CTPS2: variants seen among roughly 807,000 people sequenced by gnomAD.
CTPS2 encodes the protein CTP synthase II.
Under a neutral mutation model 46.8 loss-of-function variants are expected in CTPS2, and 19 were observed. That is an observed-to-expected ratio of 0.41 (90% CI 0.28 to 0.60). The LOEUF (loss-of-function observed/expected upper bound fraction) is 0.60, where lower values mean the gene tolerates loss of function less well. CTPS2 is among the 20% of genes least tolerant of loss of function. The pLI, the probability that CTPS2 is intolerant of heterozygous loss-of-function variation, is 0.35. For missense variants in CTPS2, 286 were observed against 447.6 expected, an observed-to-expected ratio of 0.64 and a Z score of 3.26; for synonymous variants, 151 against 165.2, an observed-to-expected ratio of 0.91 and a Z score of 0.66.
intron 13 of CTPS2, chrX:16,654,482 A>T (rs1932772333): frequency 8.4e-7 from 1 of 1,187,824 alleles, no homozygotes; most frequent in Non-Finnish European, 1.1e-6. Flanking sequence ...AAGAATTCCA[A>T]GTATTAGTAA....
At position 16,664,029 on chromosome X, in the gene CTPS2, A is replaced by G. The variant is rs777937159; in HGVS notation, c.1296+3485T>C. Among the ~76,000 whole-genome samples, 542 of 111,013 alleles carry G rather than the reference A, an allele frequency of 4.9e-3. 2 individuals are homozygous for G. Among genetic ancestry groups the G allele is most frequent in the Middle Eastern group, 0.019 (4 of 215 alleles). On this transcript the variant is annotated intron_variant, in intron 13 of 18. Coordinates refer to ENST00000359276, the MANE Select transcript of CTPS2 (RefSeq NM_175859.3). Reference sequence around the variant, plus strand: ...TTCTTTATGTTTTTAGTAGAGACAAAGTTTCACCATGTTAGCCAGGATGGT... The same window carrying G: ...TTCTTTATGTTTTTAGTAGAGACAAGGTTTCACCATGTTAGCCAGGATGGT...
intron 2 of CTPS2, among the ~76,000 whole-genome samples, chrX:16,702,026 G>A (rs1924615756): frequency 1.8e-5 from 2 of 110,478 alleles, no homozygotes; most frequent in Non-Finnish European, 3.8e-5. Flanking sequence ...GTTTTTTTGG[G>A]GGTTGGTTTT....
At chrX:16,651,097 G>T in intron 13 of CTPS2, 1 of 1,178,017 alleles carries the variant, frequency 8.5e-7, no homozygotes. Context: ...GTCAAAGGAT[G>T]AACTGAAGCT....
intron 10 of CTPS2, among the ~76,000 whole-genome samples, chrX:16,675,568 GTTA>G: frequency 8.9e-6 from 1 of 112,217 alleles, no homozygotes; most frequent in Non-Finnish European, 1.9e-5. Context: ...ATTCGTGTAT[GTTA>G]TTAATAATTA....
intron 11 of CTPS2, 27 bp downstream of exon 11, chrX:16,670,553 G>A (rs1465273818): frequency 1.8e-6 from 2 of 1,102,776 alleles, no homozygotes; most frequent in African/African-American, 3.7e-5. Context: ...TAAACTCATA[G>A]TTAGGGTCAA....
chrX:16,697,732 C>T (rs966663737), intron 4 of CTPS2, among the ~76,000 whole-genome samples: 1 of 111,458 alleles, frequency 9.0e-6, no homozygotes, highest in South Asian at 3.8e-4. Context: ...CATGAGCCAC[C>T]TCGCGCAGCC....
chrX:16,668,770 AAAGG>A (rs753753580), intron 11 of CTPS2, among the ~76,000 whole-genome samples: 9,777 of 73,429 alleles, frequency 0.13, 719 homozygotes, highest in African/African-American at 0.23. Flanking sequence ...GGAAGGAAGG[AAAGG>A]AAGGAAGGAA....
At chrX:16,642,432 A>T (rs1213971090) in intron 13 of CTPS2, among the ~76,000 whole-genome samples, 1 of 111,873 alleles carries the variant, frequency 8.9e-6, no homozygotes, top group Admixed American at 9.5e-5. Context: ...CAAGTCGCTG[A>T]TGGAGGGAGG....
chrX:16,606,908 C>T (rs760576770), intron 17 of CTPS2, among the ~76,000 whole-genome samples: 6 of 112,275 alleles, frequency 5.3e-5, no homozygotes, highest in Admixed American at 4.7e-4. Flanking sequence ...TGTGCCACCA[C>T]GTCTGGCTAA....
At chrX:16,699,793 GTTGA>G (rs929675573) in intron 2 of CTPS2, among the ~76,000 whole-genome samples, 2 of 112,327 alleles carry the variant, frequency 1.8e-5, no homozygotes, top group African/African-American at 6.5e-5. Context: ...AGGAAAAAAG[GTTGA>G]TTAACTTACA....
chrX:16,645,006 G>A (rs997801175), intron 13 of CTPS2, among the ~76,000 whole-genome samples: 1 of 111,590 alleles, frequency 9.0e-6, no homozygotes, highest in Non-Finnish European at 1.9e-5. Flanking sequence ...TTTTTGAGAC[G>A]GAGTCTTGCT....
In CTPS2 at chrX:16,706,391, C is replaced by T. The variant is rs142508010; in HGVS notation, c.-39-3450G>A. On this transcript the variant is annotated intron_variant, in intron 1 of 18. Transcript: ENST00000359276. The stretch of plus-strand genomic sequence containing the variant: ...TGAGCCCAGATCGTGCCACTGCACT[C>T]CGGTCTGGGCAACAGAGTGAGACTC... Among the ~76,000 whole-genome samples, 425 of 110,841 alleles carry T rather than the reference C, an allele frequency of 3.8e-3. 5 individuals carry two copies. Among genetic ancestry groups the T allele is most frequent in the Admixed American group, 0.029 (305 of 10,353 alleles).
intron 14 of CTPS2, among the ~76,000 whole-genome samples, chrX:16,629,345 C>T (rs936369085): frequency 8.9e-6 from 1 of 112,085 alleles, no homozygotes; most frequent in Non-Finnish European, 1.9e-5. Flanking sequence ...CAGTGTGGAC[C>T]TGGGCTCTGG....
At chrX:16,703,201 G>A (rs1209993356) in intron 1 of CTPS2, among the ~76,000 whole-genome samples, 1 of 109,204 alleles carries the variant, frequency 9.2e-6, no homozygotes, top group Non-Finnish European at 1.9e-5. Context: ...ATTTTTGTGG[G>A]TTTTTTGTAG....
intron 1 of CTPS2, among the ~76,000 whole-genome samples, chrX:16,705,111 C>T (rs776716453): frequency 5.5e-5 from 6 of 108,217 alleles, no homozygotes; most frequent in Non-Finnish European, 9.5e-5. Context: ...CTGTACTTTC[C>T]ACTGAGTTTT....
At chrX:16,645,187 G>T (rs1340383190) in intron 13 of CTPS2, among the ~76,000 whole-genome samples, 3 of 107,702 alleles carry the variant, frequency 2.8e-5, no homozygotes, top group African/African-American at 1.0e-4. Flanking sequence ...TAGAGACGGG[G>T]TTTCACCGTG....
Position 16,650,860 on chromosome X carries a change from C to T in CTPS2, c.1297-11617G>A, listed in dbSNP as rs189166196. On this transcript the variant is annotated intron_variant, in intron 13 of 18. Coordinates refer to ENST00000359276, the MANE Select transcript of CTPS2 (RefSeq NM_175859.3). ...TTAGTAGTTACTGGTGCCATTCCGA[C>T]CCCGACATTCTCTTTTCCTTATTCT... 18 of 510,224 alleles carry T rather than the reference C, an allele frequency of 3.5e-5. No individual in the cohort carries two copies. The African/African-American group carries it at 4.3e-4, about 12-fold the overall frequency. 42.0% of individuals were successfully genotyped at this position (510,224 alleles called of 1,213,427 possible). A position where few individuals can be genotyped will look rare whatever the true frequency, so the allele number is the denominator to read the frequency against.
In CTPS2 at chrX:16,630,738, G is replaced by GT. The variant is rs201886307; in HGVS notation, c.1393+8408dup. On this transcript the variant is annotated intron_variant, in intron 14 of 18. Coordinates refer to ENST00000359276, the MANE Select transcript of CTPS2 (RefSeq NM_175859.3). Reference sequence around the variant, plus strand: ...GGGTAAGTGCTCCCTAACTGTTTGGGTGCTGGTTTGGAGGGCATAGAGAAT... The same window carrying GT: ...GGGTAAGTGCTCCCTAACTGTTTGGGTTGCTGGTTTGGAGGGCATAGAGAAT... Among the ~76,000 whole-genome samples, 392 of 112,013 alleles carry GT rather than the reference G, an allele frequency of 3.5e-3. 1 individual carries two copies. The highest frequency in any genetic ancestry group is 0.012 in the African/African-American group (356 of 30,855).
chrX:16,704,669 C>T (rs749034593), intron 1 of CTPS2, among the ~76,000 whole-genome samples: 2 of 111,358 alleles, frequency 1.8e-5, no homozygotes, highest in Non-Finnish European at 3.8e-5. Flanking sequence ...GACTTTCCGC[C>T]GGGCACGGTG....
Sources: allele counts gnomAD v4.1 joint callset (sites outside exome capture counted in the v4.1 genomes callset), GRCh38; gene constraint gnomAD v4.1.1; transcripts MANE v1.5; gene names NCBI Gene and HGNC (gene_info 2026-07-23, HGNC 2026-07-21).